The following DAP variants were observed in gnomAD, a reference collection of about 807,000 sequenced individuals.
DAP encodes death-associated protein 1.
In DAP, 8 loss-of-function variants were observed where a neutral mutation model predicts 13.8. The ratio of observed to expected loss-of-function variants is 0.58; its 90% CI spans 0.34 to 1.05. DAP has a LOEUF of 1.05. Among genes scored for constraint, DAP ranks in the 50% least tolerant of loss-of-function variants. DAP has a pLI of 0.03. For missense variants in DAP, 106 were observed against 133.2 expected, an observed-to-expected ratio of 0.80 and a Z score of 1.01; for synonymous variants, 47 against 47.5, an observed-to-expected ratio of 0.99 and a Z score of 0.04.
At chr5:10,714,867 C>T (rs192290225) in intron 2 of DAP, among the ~76,000 whole-genome samples, 160 of 152,306 alleles carry the variant, frequency 1.1e-3, no homozygotes, top group Non-Finnish European at 1.5e-3. Context: ...CGCCTGCTCC[C>T]CCTTTGCCTT....
chr5:10,732,617 T>C (rs891003692), intron 2 of DAP, among the ~76,000 whole-genome samples: 6 of 152,224 alleles, frequency 3.9e-5, no homozygotes, highest in Non-Finnish European at 8.8e-5. Flanking sequence ...TTGTGAATAA[T>C]GATGGGATGA....
intron 2 of DAP, among the ~76,000 whole-genome samples, chr5:10,706,093 G>C (rs1037949185): frequency 6.6e-6 from 1 of 152,214 alleles, no homozygotes; most frequent in African/African-American, 2.4e-5. Context: ...AACAAGAACA[G>C]GCAGAAGTGT....
chr5:10,759,648 G>T (rs574065759), intron 1 of DAP, among the ~76,000 whole-genome samples: 1 of 151,716 alleles, frequency 6.6e-6, no homozygotes, highest in Admixed American at 6.6e-5. Flanking sequence ...GCCTACTCTG[G>T]ACTGCAACAT....
chr5:10,723,156 A>T (rs1739202489), intron 2 of DAP, among the ~76,000 whole-genome samples: 1 of 152,214 alleles, frequency 6.6e-6, no homozygotes, highest in African/African-American at 2.4e-5. Context: ...TAAGCAACTA[A>T]AAAAGAAAAG....
At chr5:10,703,088 G>A (rs1221946804) in intron 2 of DAP, among the ~76,000 whole-genome samples, 1 of 152,162 alleles carries the variant, frequency 6.6e-6, no homozygotes, top group Non-Finnish European at 1.5e-5. Flanking sequence ...TGAATGCTGG[G>A]AAACAGCCTG....
intron 2 of DAP, among the ~76,000 whole-genome samples, chr5:10,701,836 T>C (rs1738586359): frequency 6.6e-6 from 1 of 152,184 alleles, no homozygotes. Context: ...TGCTGCATGG[T>C]CACTCCAAGC....
chr5:10,744,449 G>A (rs971366143), intron 2 of DAP, among the ~76,000 whole-genome samples: 1 of 152,204 alleles, frequency 6.6e-6, no homozygotes, highest in East Asian at 1.9e-4. Flanking sequence ...ATTGTAAAGT[G>A]ATAATTAGAC....
At position 10,680,375 on chromosome 5, in the gene DAP, G is replaced by A. The variant is rs1049344; in HGVS notation, c.*681C>T. On this transcript the variant is annotated 3_prime_UTR_variant, in exon 4 of 4. Transcript: ENST00000230895. ...GGGCTGAGGCGATGCTGGGCTTGCC[G>A]TGCCGAGATCTCATGCCAGAAGTCC... The A allele has an allele frequency of 0.075, 21,338 of 283,996 alleles. 1,270 individuals carry two copies. Among genetic ancestry groups the A allele is most frequent in the East Asian group, 0.25 (2,943 of 11,816 alleles). The allele number at this position is 283,996 out of a possible 1,614,324, so 17.6% of individuals were successfully genotyped here. A position where few individuals can be genotyped will look rare whatever the true frequency, so the allele number is the denominator to read the frequency against.
Position 10,748,180 on chromosome 5 carries a change from G to A in DAP, c.147C>T (p.Ser49=), listed in dbSNP as rs781414354. The A allele has an allele frequency of 4.3e-6, 7 of 1,611,324 alleles. No individual in the cohort carries two copies. The highest frequency in any genetic ancestry group is 4.2e-6 in the Non-Finnish European group (5 of 1,177,392). The change falls in exon 2 of 4, where the codon AGC becomes AGT. Residue 49 remains serine (S), a synonymous_variant. Transcript: ENST00000230895. ...EKDKDDQEWE[S]PSPPKPTVFI... ...AGTCGCTAGCATCATCCCACCTGGG[G>A]CTTTCCCATTCCTGGTCATCCTTGT... is the stretch of plus-strand genomic sequence containing the variant.
At chr5:10,710,541 G>T (rs530786487) in intron 2 of DAP, among the ~76,000 whole-genome samples, 1 of 152,200 alleles carries the variant, frequency 6.6e-6, no homozygotes, top group African/African-American at 2.4e-5. Context: ...GAGGCCTCTG[G>T]CATCGGGCCT....
At chr5:10,753,383 C>T (rs1288438886) in intron 1 of DAP, among the ~76,000 whole-genome samples, 10 of 152,318 alleles carry the variant, frequency 6.6e-5, no homozygotes, top group Middle Eastern at 3.4e-3. Context: ...CTCAAAGGAA[C>T]GGCCTACAGA....
intron 2 of DAP, among the ~76,000 whole-genome samples, chr5:10,743,919 T>A (rs542595636): frequency 6.6e-6 from 1 of 152,286 alleles, no homozygotes; most frequent in Non-Finnish European, 1.5e-5. Flanking sequence ...ACACAGCATC[T>A]CAAAACAACT....
rs1737927213 is a variant in DAP at position 10,679,511 on chromosome 5, G to C, written c.*1545C>G. ...TGCTGGAGCGCGGCATCCCCTCCTG[G>C]GTGCTGCTCCGAAAGGCAGGCTGGG... is the stretch of plus-strand genomic sequence containing the variant. On this transcript the variant is annotated 3_prime_UTR_variant, in exon 4 of 4. Transcript: ENST00000230895. 6.6e-6 allele frequency: 1 copy of C among 152,410 alleles called. No individual in the cohort carries two copies. The highest frequency in any genetic ancestry group is 2.1e-4 in the South Asian group (1 of 4,834). 9.4% of individuals were successfully genotyped at this position (152,410 alleles called of 1,614,324 possible).
intron 2 of DAP, among the ~76,000 whole-genome samples, chr5:10,685,171 G>C (rs140978398): frequency 7.3e-5 from 4 of 54,632 alleles, no homozygotes; most frequent in Admixed American, 1.8e-4. Flanking sequence ...CTGTTACTTC[G>C]CGACATTAAG....
chr5:10,711,208 G>A (rs1738842791), intron 2 of DAP, among the ~76,000 whole-genome samples: 1 of 152,232 alleles, frequency 6.6e-6, no homozygotes, highest in Admixed American at 6.5e-5. Context: ...GTAGGTGTGA[G>A]CAGACCTCGG....
intron 2 of DAP, among the ~76,000 whole-genome samples, chr5:10,688,466 T>C (rs941743363): frequency 6.6e-6 from 1 of 152,158 alleles, no homozygotes; most frequent in African/African-American, 2.4e-5. Context: ...AAACATAACT[T>C]TTATATGCAC....
At chr5:10,726,390 GAACAAGC>G (rs1360325502) in intron 2 of DAP, among the ~76,000 whole-genome samples, 1 of 152,236 alleles carries the variant, frequency 6.6e-6, no homozygotes, top group Non-Finnish European at 1.5e-5. Context: ...GCGTGGTGGG[GAACAAGC>G]AGCACCACTA....
chr5:10,683,827 C>T (rs1738092762), intron 2 of DAP, among the ~76,000 whole-genome samples: 1 of 152,088 alleles, frequency 6.6e-6, no homozygotes, highest in African/African-American at 2.4e-5. Flanking sequence ...CCTTCAACCA[C>T]TTTCTATTTG....
chr5:10,694,209 C>A (rs1027368553), intron 2 of DAP, among the ~76,000 whole-genome samples: 2 of 152,110 alleles, frequency 1.3e-5, no homozygotes, highest in African/African-American at 2.4e-5. Flanking sequence ...AAGGAGGGAC[C>A]GTGGCAAATG....
Sources: gnomAD v4.1 joint callset for allele counts (sites outside exome capture counted in the v4.1 genomes callset) on GRCh38, gnomAD v4.1.1 for gene constraint, MANE v1.5 for transcripts, NCBI Gene and HGNC (gene_info 2026-07-23, HGNC 2026-07-21) for gene names.